The following SORCS1 variants were observed in gnomAD, a reference collection of about 807,000 sequenced individuals.
The protein encoded by SORCS1 is sortilin related VPS10 domain containing receptor 1, also known as VPS10 domain-containing receptor SorCS1.
In SORCS1, 60 loss-of-function variants were observed where a neutral mutation model predicts 146.1. The observed-to-expected ratio is 0.41, with a 90% confidence interval of 0.33 to 0.51. SORCS1 has a LOEUF of 0.51. Among genes scored for constraint, SORCS1 ranks in the 20% least tolerant of loss-of-function variants. SORCS1 has a pLI of 0.21. For synonymous variants in SORCS1, 637 were observed against 584.0 expected (o/e 1.09, Z -1.31); for missense variants, 1,352 against 1,487.6 (o/e 0.91, Z 1.50).
chr10:106,858,463 C>CA (rs1372237425), intron 2 of SORCS1, among the ~76,000 whole-genome samples: 3 of 151,794 alleles, frequency 2.0e-5, no homozygotes, highest in African/African-American at 2.4e-5. Context: ...ACTAAAAATA[C>CA]AAAAAAATTA....
intron 21 of SORCS1, among the ~76,000 whole-genome samples, chr10:106,613,667 A>C (rs967344121): frequency 6.6e-6 from 1 of 152,182 alleles, no homozygotes; most frequent in African/African-American, 2.4e-5. Flanking sequence ...AGTGTTTGGC[A>C]CATAATAGAC....
intron 2 of SORCS1, among the ~76,000 whole-genome samples, chr10:106,929,335 T>G (rs1341527829): frequency 1.3e-5 from 2 of 151,946 alleles, no homozygotes; most frequent in Non-Finnish European, 2.9e-5. Context: ...AATAGAAAAA[T>G]TCAAGTCACA....
intron 5 of SORCS1, among the ~76,000 whole-genome samples, chr10:106,752,342 C>T (rs1353938646): frequency 1.3e-5 from 2 of 152,162 alleles, no homozygotes; most frequent in Admixed American, 6.5e-5. Flanking sequence ...CAGAAAGATC[C>T]ACTGTGATCC....
At chr10:107,147,462 G>T (rs1462215747) in intron 1 of SORCS1, among the ~76,000 whole-genome samples, 6 of 152,066 alleles carry the variant, frequency 3.9e-5, no homozygotes, top group Admixed American at 6.6e-5. Context: ...TGCCTCCAAT[G>T]CATCTGATTT....
intron 2 of SORCS1, among the ~76,000 whole-genome samples, chr10:106,835,132 A>C (rs980721254): frequency 6.6e-6 from 1 of 152,222 alleles, no homozygotes; most frequent in African/African-American, 2.4e-5. Flanking sequence ...CCCGCCTTCC[A>C]AGAGGTTATT....
chr10:106,852,330 A>G (rs1949616880), intron 2 of SORCS1, among the ~76,000 whole-genome samples: 1 of 152,094 alleles, frequency 6.6e-6, no homozygotes, highest in African/African-American at 2.4e-5. Flanking sequence ...TTTCTTGTCA[A>G]TTTAAGAAAG....
At chr10:106,768,228 T>C (rs1292176462) in intron 4 of SORCS1, among the ~76,000 whole-genome samples, 1 of 152,168 alleles carries the variant, frequency 6.6e-6, no homozygotes, top group African/African-American at 2.4e-5. Context: ...TACTCACATA[T>C]TCATGAGGTT....
intron 5 of SORCS1, among the ~76,000 whole-genome samples, chr10:106,730,460 T>A (rs970511934): frequency 3.3e-5 from 5 of 152,228 alleles, no homozygotes; most frequent in Non-Finnish European, 7.3e-5. Context: ...TAGGCAGGCA[T>A]GCTGCTTCAG....
At chr10:107,164,931 G>C (rs1256756916), upstream of SORCS1, among the ~76,000 whole-genome samples, 2 of 149,288 alleles carry the variant, frequency 1.3e-5, no homozygotes, top group African/African-American at 4.9e-5. The surrounding 1 kb of genome is among the most constrained non-coding windows in gnomAD (Gnocchi z 6.8). Context: ...AGGCGCTGCC[G>C]CCGCCTCTCC....
At chr10:107,019,706 G>C (rs10159519) in intron 1 of SORCS1, among the ~76,000 whole-genome samples, 15,966 of 152,234 alleles carry the variant, frequency 0.1, 2,637 homozygotes, top group African/African-American at 0.35. Context: ...AATGCCAAAG[G>C]CATGCTCAGA....
chr10:106,622,641 G>A (rs1036716606), intron 19 of SORCS1, among the ~76,000 whole-genome samples: 4 of 152,060 alleles, frequency 2.6e-5, no homozygotes, highest in Non-Finnish European at 4.4e-5. Context: ...AGCCAGAGCA[G>A]TTCAATGAAA....
At chr10:106,990,925 T>C (rs1291886612) in intron 1 of SORCS1, among the ~76,000 whole-genome samples, 1 of 152,230 alleles carries the variant, frequency 6.6e-6, no homozygotes, top group African/African-American at 2.4e-5. Flanking sequence ...GATTTTAAAT[T>C]TGTGATTTCA....
chr10:106,723,869 G>A (rs1855955819), intron 6 of SORCS1, among the ~76,000 whole-genome samples: 1 of 151,936 alleles, frequency 6.6e-6, no homozygotes, highest in African/African-American at 2.4e-5. Flanking sequence ...TTTTCAGAAT[G>A]TTTTTAATGC....
At chr10:106,963,862 G>A (rs960595932) in intron 1 of SORCS1, among the ~76,000 whole-genome samples, 7 of 152,186 alleles carry the variant, frequency 4.6e-5, no homozygotes, top group African/African-American at 1.7e-4. Flanking sequence ...TTTGATATGA[G>A]TCTCTGAAAG....
At chr10:106,663,640 G>A (rs1850905490) in intron 17 of SORCS1, among the ~76,000 whole-genome samples, 1 of 152,130 alleles carries the variant, frequency 6.6e-6, no homozygotes, top group South Asian at 2.1e-4. Flanking sequence ...TGACATTAAG[G>A]GAGGCAGAAA....
intron 3 of SORCS1, among the ~76,000 whole-genome samples, chr10:106,811,256 C>A (rs1012748154): frequency 6.6e-6 from 1 of 152,130 alleles, no homozygotes; most frequent in African/African-American, 2.4e-5. Context: ...CTTCCACTGT[C>A]CAGTAGAGGA....
intron 1 of SORCS1, among the ~76,000 whole-genome samples, chr10:107,125,873 A>T (rs777611536): frequency 1.3e-5 from 2 of 152,194 alleles, no homozygotes; most frequent in Non-Finnish European, 2.9e-5. Context: ...GATTGTATTA[A>T]ACCATCATTA....
intron 2 of SORCS1, among the ~76,000 whole-genome samples, chr10:106,837,202 A>G (rs182724600): frequency 4.5e-4 from 69 of 152,266 alleles, no homozygotes; most frequent in African/African-American, 1.3e-3. Flanking sequence ...ATTATAATCC[A>G]ATTTCCATGC....
chr10:107,071,991 G>A (rs369003069), intron 1 of SORCS1, among the ~76,000 whole-genome samples: 16 of 152,332 alleles, frequency 1.1e-4, no homozygotes, highest in East Asian at 9.6e-4. Context: ...GATGCAGCAT[G>A]GCTCCTCTGG....
Sources: gnomAD v4.1 joint callset for allele counts (sites outside exome capture counted in the v4.1 genomes callset) on GRCh38, gnomAD v4.1.1 for gene constraint, Gnocchi (gnomAD v3.1) non-coding constraint, MANE v1.5 for transcripts, NCBI Gene and HGNC (gene_info 2026-07-23, HGNC 2026-07-21) for gene names.